The following MTARC2 variants were observed in gnomAD, a reference collection of about 807,000 sequenced individuals.
The protein encoded by MTARC2 is mitochondrial amidoxime reducing component 2, also known as MOCO sulphurase C-terminal domain containing 2.
Under a neutral mutation model 35.6 loss-of-function variants are expected in MTARC2, and 27 were observed. That is an observed-to-expected ratio of 0.76 (90% CI 0.56 to 1.04). The LOEUF (loss-of-function observed/expected upper bound fraction) is 1.04, where lower values mean the gene tolerates loss of function less well. Among genes scored for constraint, MTARC2 ranks in the 50% least tolerant of loss-of-function variants. The pLI, the probability that MTARC2 is intolerant of heterozygous loss-of-function variation, is 0.00. For missense variants in MTARC2, 412 were observed against 432.5 expected, an observed-to-expected ratio of 0.95 and a Z score of 0.42; for synonymous variants, 158 against 167.1, an observed-to-expected ratio of 0.95 and a Z score of 0.42.
At chr1:220,773,300 G>C (rs1338602423) in intron 4 of MTARC2, among the ~76,000 whole-genome samples, 2 of 152,164 alleles carry the variant, frequency 1.3e-5, no homozygotes, top group Admixed American at 1.3e-4. Context: ...CTGAGTTGGA[G>C]AACACATTGA....
chr1:220,764,020 C>G (rs79956491), intron 4 of MTARC2, among the ~76,000 whole-genome samples: 2,026 of 152,212 alleles, frequency 0.013, 33 homozygotes, highest in East Asian at 0.059. Flanking sequence ...AGAAGAGGCT[C>G]TTAAACACCC....
chr1:220,752,074 G>A (rs1193218960), intron 1 of MTARC2, among the ~76,000 whole-genome samples: 1 of 152,188 alleles, frequency 6.6e-6, no homozygotes, highest in African/African-American at 2.4e-5. Context: ...ACAGTGATGA[G>A]TGGGAAACCT....
chr1:220,782,318 A>C (rs1478169331), intron 7 of MTARC2, among the ~76,000 whole-genome samples: 1 of 152,242 alleles, frequency 6.6e-6, no homozygotes, highest in African/African-American at 2.4e-5. Context: ...AAAATGTTTA[A>C]ATTATTCAAC....
chr1:220,752,833 A>G (rs1443956413), intron 1 of MTARC2, among the ~76,000 whole-genome samples: 1 of 152,018 alleles, frequency 6.6e-6, no homozygotes, highest in African/African-American at 2.4e-5. Context: ...TGGGTGATAG[A>G]GTGAGACCCT....
intron 7 of MTARC2, among the ~76,000 whole-genome samples, chr1:220,783,150 A>G (rs890770069): frequency 5.9e-5 from 9 of 152,240 alleles, no homozygotes; most frequent in African/African-American, 1.7e-4. Context: ...ATCCTATTCT[A>G]ACATCTCTGA....
chr1:220,757,982 TTTA>T (rs927228201), intron 2 of MTARC2, among the ~76,000 whole-genome samples: 3 of 152,158 alleles, frequency 2.0e-5, no homozygotes, highest in East Asian at 3.9e-4. Context: ...CTTATTTTAT[TTTA>T]TTATTATTAT....
chr1:220,769,519 C>G (rs778305298), intron 4 of MTARC2, among the ~76,000 whole-genome samples: 1 of 152,046 alleles, frequency 6.6e-6, no homozygotes, highest in Non-Finnish European at 1.5e-5. Context: ...TAGTGTGTAG[C>G]CAGGGGTGGG....
At position 220,753,244 on chromosome 1, in the gene MTARC2, A is replaced by G. The variant is rs146247875; in HGVS notation, c.273-1703A>G. On this transcript the variant is annotated intron_variant, in intron 1 of 7. Coordinates refer to ENST00000366913, the MANE Select transcript of MTARC2 (RefSeq NM_017898.5). The stretch of plus-strand genomic sequence containing the variant: ...CTCCGTCTCAGAAAAAAAGAAAAAA[A>G]AAAGAAAGAAAGAAAAAGGTGGTCT... 2.7e-3 allele frequency among the ~76,000 whole-genome samples: 411 copies of G among 152,132 alleles called. 14 individuals are homozygous for G. In the East Asian group the frequency reaches 0.068, roughly 25 times the overall value.
At chr1:220,759,797 G>C (rs1572297599) in intron 2 of MTARC2, among the ~76,000 whole-genome samples, 1 of 152,150 alleles carries the variant, frequency 6.6e-6, no homozygotes, top group South Asian at 2.1e-4. Context: ...CGAGAAGGGG[G>C]TTTAGAGGGA....
intron 1 of MTARC2, chr1:220,754,411 TG>T: frequency 2.2e-6 from 1 of 456,324 alleles, no homozygotes; most frequent in South Asian, 1.5e-5. Context: ...GGTTTCCTGA[TG>T]TAGGACCCCC....
intron 2 of MTARC2, among the ~76,000 whole-genome samples, chr1:220,755,450 G>A (rs1671252430): frequency 6.6e-6 from 1 of 152,202 alleles, no homozygotes. Flanking sequence ...GAGTACCAGG[G>A]TGGGTCAGGA....
At chr1:220,759,759 G>A (rs1572297534) in intron 2 of MTARC2, among the ~76,000 whole-genome samples, 1 of 152,126 alleles carries the variant, frequency 6.6e-6, no homozygotes, top group South Asian at 2.1e-4. Flanking sequence ...GTAGAGCCAA[G>A]AATTAATCAG....
intron 6 of MTARC2, 55 bp downstream of exon 6, chr1:220,780,294 C>T (rs1439970345): frequency 7.4e-6 from 11 of 1,492,214 alleles, no homozygotes; most frequent in South Asian, 3.6e-5. Context: ...CCCAGAACTA[C>T]CTATGGGTTT....
chr1:220,753,417 G>A (rs1366959637), intron 1 of MTARC2, among the ~76,000 whole-genome samples: 2 of 152,308 alleles, frequency 1.3e-5, no homozygotes, highest in South Asian at 2.1e-4. Context: ...GTCTTCTGGT[G>A]TGGTTGCGGG....
At chr1:220,779,022 A>T (rs1167927650) in intron 4 of MTARC2, among the ~76,000 whole-genome samples, 2 of 152,198 alleles carry the variant, frequency 1.3e-5, no homozygotes, top group Non-Finnish European at 2.9e-5. Flanking sequence ...TTCCAGTGCC[A>T]CGTAAAAGTT....
intron 4 of MTARC2, among the ~76,000 whole-genome samples, chr1:220,776,162 C>T (rs1412666368): frequency 6.6e-6 from 1 of 152,156 alleles, no homozygotes; most frequent in South Asian, 2.1e-4. Context: ...TAAACATTCC[C>T]TTTTCTCCAC....
chr1:220,749,427 C>CT (rs60380640), intron 1 of MTARC2, among the ~76,000 whole-genome samples: 38 of 98,688 alleles, frequency 3.9e-4, no homozygotes, highest in Non-Finnish European at 4.6e-4. Flanking sequence ...ATGCCTTCTT[C>CT]TTTTTTTTTT....
At chr1:220,769,564 T>TC (rs1671677469) in intron 4 of MTARC2, among the ~76,000 whole-genome samples, 1 of 152,102 alleles carries the variant, frequency 6.6e-6, no homozygotes, top group African/African-American at 2.4e-5. Flanking sequence ...GGGAGCAAAG[T>TC]CGTAACTGGC....
intron 4 of MTARC2, among the ~76,000 whole-genome samples, chr1:220,769,865 C>A (rs1278219710): frequency 1.1e-4 from 15 of 130,822 alleles, no homozygotes; most frequent in African/African-American, 4.1e-4. Context: ...TTTTGGCGGT[C>A]AGATCACAAG....
Sources: gnomAD v4.1 joint callset for allele counts (sites outside exome capture counted in the v4.1 genomes callset) on GRCh38, gnomAD v4.1.1 for gene constraint, MANE v1.5 for transcripts, NCBI Gene and HGNC (gene_info 2026-07-23, HGNC 2026-07-21) for gene names.